Variants in ADK observed in about 807,000 individuals in gnomAD.
ADK encodes the protein adenosine kinase.
Under a neutral mutation model 44.7 loss-of-function variants are expected in ADK, and 24 were observed. That is an observed-to-expected ratio of 0.54 (90% CI 0.39 to 0.76). The LOEUF is 0.76. Among genes scored for constraint, ADK ranks in the 30% least tolerant of loss-of-function variants. The pLI, the probability that ADK is intolerant of heterozygous loss-of-function variation, is 0.00. For missense variants in ADK, 321 were observed against 425.1 expected (o/e 0.76, Z 2.15); for synonymous variants, 128 against 142.6 (o/e 0.90, Z 0.73).
chr10:74,449,625 G>GT lies in ADK; in HGVS notation c.555+51053dup, dbSNP rs549018602. On this transcript the variant is annotated intron_variant, in intron 6 of 10. Transcript: ENST00000539909. The stretch of plus-strand genomic sequence containing the variant: ...ATAAAGGAAACAAAGGTATCTTAAT[G>GT]TTTTTTTCAAATCTTAACATCTTAA... 1.6e-4 allele frequency among the ~76,000 whole-genome samples: 25 copies of GT among 152,104 alleles called. No homozygotes were observed. The East Asian group carries it at 4.6e-3, about 28-fold the overall frequency.
At chr10:74,439,309 G>A (rs1180549415) in intron 6 of ADK, among the ~76,000 whole-genome samples, 1 of 142,460 alleles carries the variant, frequency 7.0e-6, no homozygotes, top group Non-Finnish European at 1.6e-5. Flanking sequence ...CAGTAAAAGG[G>A]TCACTGTACT....
At chr10:74,376,764 T>TTC (rs1230886712) in intron 4 of ADK, among the ~76,000 whole-genome samples, 2 of 147,944 alleles carry the variant, frequency 1.4e-5, no homozygotes, top group African/African-American at 2.5e-5. Context: ...ATTACTGCTT[T>TTC]TCTCTCTCTC....
At chr10:74,356,639 C>A (rs2131926618) in intron 4 of ADK, among the ~76,000 whole-genome samples, 1 of 152,298 alleles carries the variant, frequency 6.6e-6, no homozygotes, top group Non-Finnish European at 1.5e-5. Context: ...CTCTAGCAAG[C>A]CTATTTCAAC....
Position 74,555,352 on chromosome 10 carries a change from T to G in ADK, c.726+29926T>G, listed in dbSNP as rs115955581. Among the ~76,000 whole-genome samples, 861 of 152,342 alleles carry G rather than the reference T, an allele frequency of 5.7e-3. 6 individuals are homozygous for G. Among genetic ancestry groups the G allele is most frequent in the African/African-American group, 0.02 (815 of 41,582 alleles). The stretch of plus-strand genomic sequence containing the variant: ...TTAAACTGATTAACTGTTTGTTGTT[T>G]TTTTTTATGTCATAGGTGTCAGATC... On this transcript the variant is annotated intron_variant, in intron 7 of 10. Transcript: ENST00000539909.
At chr10:74,273,650 G>A (rs1265172067) in intron 3 of ADK, among the ~76,000 whole-genome samples, 1 of 151,956 alleles carries the variant, frequency 6.6e-6, no homozygotes, top group Non-Finnish European at 1.5e-5. Flanking sequence ...TAGAGATGAG[G>A]TTTCACCATG....
chr10:74,567,934 C>T (rs1273974539), intron 7 of ADK, among the ~76,000 whole-genome samples: 1 of 151,944 alleles, frequency 6.6e-6, no homozygotes, highest in Non-Finnish European at 1.5e-5. Flanking sequence ...CTCCTGACCT[C>T]GTAATCCGCC....
intron 6 of ADK, among the ~76,000 whole-genome samples, chr10:74,472,441 C>T (rs551167748): frequency 6.6e-6 from 1 of 151,990 alleles, no homozygotes; most frequent in South Asian, 2.1e-4. Flanking sequence ...TGATAAGATT[C>T]TTCTTTCTGT....
At chr10:74,379,018 G>A (rs1401639279) in intron 4 of ADK, among the ~76,000 whole-genome samples, 2 of 152,138 alleles carry the variant, frequency 1.3e-5, no homozygotes, top group Non-Finnish European at 2.9e-5. Flanking sequence ...GAGAATAGTA[G>A]ACAATGGAGT....
chr10:74,510,291 A>T (rs1848254082), intron 6 of ADK, among the ~76,000 whole-genome samples: 1 of 151,838 alleles, frequency 6.6e-6, no homozygotes, highest in South Asian at 2.1e-4. Flanking sequence ...TGTGGTTTTG[A>T]TCTGCATTTC....
intron 3 of ADK, among the ~76,000 whole-genome samples, chr10:74,271,390 TA>T (rs931801388): frequency 1.3e-5 from 2 of 152,076 alleles, no homozygotes; most frequent in African/African-American, 4.8e-5. Context: ...GGTATATATA[TA>T]TTTTTGTTGT....
intron 4 of ADK, among the ~76,000 whole-genome samples, chr10:74,359,434 C>T (rs542954817): frequency 2.5e-4 from 38 of 152,286 alleles, no homozygotes; most frequent in African/African-American, 9.1e-4. Context: ...CAAGGCCGAG[C>T]ATGGTGGCTC....
At chr10:74,546,114 T>C (rs1849810562) in intron 7 of ADK, among the ~76,000 whole-genome samples, 1 of 152,222 alleles carries the variant, frequency 6.6e-6, no homozygotes, top group South Asian at 2.1e-4. Flanking sequence ...AGTTTATCTT[T>C]CTTGTTATGT....
At chr10:74,196,227 G>A (rs1439846017) in intron 1 of ADK, among the ~76,000 whole-genome samples, 3 of 151,964 alleles carry the variant, frequency 2.0e-5, no homozygotes, top group African/African-American at 7.2e-5. Context: ...TGTTGCATAC[G>A]TTCTCCCTTG....
intron 3 of ADK, among the ~76,000 whole-genome samples, chr10:74,270,903 C>G (rs1175222761): frequency 6.6e-6 from 1 of 152,130 alleles, no homozygotes; most frequent in African/African-American, 2.4e-5. Flanking sequence ...GATTCCATAG[C>G]TGCTAAAAAG....
At chr10:74,293,548 T>C (rs1839701968) in intron 3 of ADK, among the ~76,000 whole-genome samples, 2 of 152,056 alleles carry the variant, frequency 1.3e-5, no homozygotes, top group African/African-American at 2.4e-5. Flanking sequence ...CATTGCATAC[T>C]CTTTTAATCT....
At chr10:74,377,483 G>T (rs1842851010) in intron 4 of ADK, among the ~76,000 whole-genome samples, 1 of 152,178 alleles carries the variant, frequency 6.6e-6, no homozygotes, top group Admixed American at 6.5e-5. Flanking sequence ...GTTCGCTTTG[G>T]AATGGAGACT....
intron 4 of ADK, among the ~76,000 whole-genome samples, chr10:74,335,341 T>C (rs1408608896): frequency 6.6e-6 from 1 of 152,218 alleles, no homozygotes; most frequent in Non-Finnish European, 1.5e-5. Flanking sequence ...GAGGTACTGA[T>C]ACACACAAAT....
chr10:74,474,986 G>A (rs986053929), intron 6 of ADK, among the ~76,000 whole-genome samples: 8 of 152,158 alleles, frequency 5.3e-5, no homozygotes, highest in South Asian at 2.1e-4. Context: ...TTAACTGGGC[G>A]TGGTGGCACG....
At chr10:74,174,636 G>A (rs1842267907) in intron 1 of ADK, 2 of 152,262 alleles carry the variant, frequency 1.3e-5, no homozygotes, top group Admixed American at 1.3e-4. Flanking sequence ...ACTCTAGCCA[G>A]TGTCTCCACC....
Sources: allele counts gnomAD v4.1 joint callset (sites outside exome capture counted in the v4.1 genomes callset), GRCh38; gene constraint gnomAD v4.1.1; transcripts MANE v1.5; gene names NCBI Gene and HGNC (gene_info 2026-07-23, HGNC 2026-07-21).